The following RACGAP1 variants were observed in gnomAD, a reference collection of about 807,000 sequenced individuals.
RACGAP1 encodes rac GTPase-activating protein 1.
Under a neutral mutation model 78.1 loss-of-function variants are expected in RACGAP1, and 30 were observed. That is an observed-to-expected ratio of 0.38 (90% CI 0.29 to 0.52). The LOEUF is 0.52. Ranked by LOEUF, RACGAP1 falls within the 20% of genes least tolerant of loss-of-function variation. RACGAP1 has a pLI of 0.82. For missense variants in RACGAP1, 587 were observed against 777.1 expected, an observed-to-expected ratio of 0.76 and a Z score of 2.91; for synonymous variants, 231 against 264.8, an observed-to-expected ratio of 0.87 and a Z score of 1.24.
At chr12:49,994,578 A>G in intron 10 of RACGAP1, 69 bp from the exon 11 acceptor site, 1 of 1,550,624 alleles carries the variant, frequency 6.4e-7, no homozygotes, top group Non-Finnish European at 8.7e-7. Context: ...ACCACATGCG[A>G]AGAACCACCT....
intron 2 of RACGAP1, among the ~76,000 whole-genome samples, chr12:50,015,791 G>C (rs1261801692): frequency 6.7e-6 from 1 of 150,162 alleles, no homozygotes; most frequent in African/African-American, 2.5e-5. Flanking sequence ...GACAGTGCAA[G>C]ACTCCATCTC....
chr12:50,027,594 G>A (rs1475775691), upstream of RACGAP1, among the ~76,000 whole-genome samples: 4 of 152,168 alleles, frequency 2.6e-5, no homozygotes, highest in South Asian at 4.1e-4. Context: ...TTGGGAAGCC[G>A]AGGCGGGTGG....
At chr12:50,024,241 T>C (rs925005285) in intron 1 of RACGAP1, among the ~76,000 whole-genome samples, 1 of 151,850 alleles carries the variant, frequency 6.6e-6, no homozygotes, top group Admixed American at 6.6e-5. Context: ...GTAGCAAAGA[T>C]ACGGTATCAA....
At position 50,016,776 on chromosome 12, in the gene RACGAP1, T is replaced by C. The variant is rs1292228094; in HGVS notation, c.-4-57A>G. ...CTGCCTTCTCGCCCACAACAAAAGA[T>C]TCTATAGCAATCCAGCCATTAGTGA... On this transcript the variant is annotated intron_variant, in intron 1 of 16. Transcript: ENST00000312377. 2.9e-5 allele frequency: 45 copies of C among 1,560,628 alleles called. No individual in the cohort carries two copies. The Admixed American group carries it at 7.8e-4, about 27-fold the overall frequency.
At chr12:50,016,389 T>A (rs897367626) in intron 2 of RACGAP1, among the ~76,000 whole-genome samples, 1 of 151,700 alleles carries the variant, frequency 6.6e-6, no homozygotes, top group Non-Finnish European at 1.5e-5. Context: ...CTCAAAAAAA[T>A]AAATAAATAA....
chr12:50,013,294 G>A (rs974682314), intron 2 of RACGAP1, among the ~76,000 whole-genome samples: 3 of 152,022 alleles, frequency 2.0e-5, no homozygotes, highest in Non-Finnish European at 4.4e-5. Context: ...AATCCTCATA[G>A]CACTCCCACA....
intron 2 of RACGAP1, among the ~76,000 whole-genome samples, chr12:50,011,305 A>T (rs1348716807): frequency 2.0e-5 from 3 of 149,580 alleles, no homozygotes; most frequent in African/African-American, 7.4e-5. Flanking sequence ...CTGCACTCCA[A>T]CCTGGGCGAC....
upstream of RACGAP1, among the ~76,000 whole-genome samples, chr12:50,030,448 G>C (rs1950321731): frequency 6.6e-6 from 1 of 152,092 alleles, no homozygotes; most frequent in South Asian, 2.1e-4. Context: ...AGCACTTTGG[G>C]AGGCTGAGAA....
At chr12:50,002,337 G>T in intron 5 of RACGAP1, 37 bp from the exon 6 acceptor site, 1 of 1,573,392 alleles carries the variant, frequency 6.4e-7, no homozygotes, top group Non-Finnish European at 8.7e-7. Context: ...TCTTTTTTTG[G>T]TTAGGCCATC....
chr12:49,991,479 A>ATATATATATATATATATATATATAT (rs1555169074), intron 15 of RACGAP1, among the ~76,000 whole-genome samples: 2 of 24,094 alleles, frequency 8.3e-5, no homozygotes, highest in Non-Finnish European at 1.7e-4. Context: ...ATATATATAT[A>ATATATATATATATATATATATATAT]TTTTTTTTTT....
intron 5 of RACGAP1, among the ~76,000 whole-genome samples, chr12:50,003,619 A>G (rs553155229): frequency 2.0e-5 from 3 of 152,364 alleles, no homozygotes; most frequent in Non-Finnish European, 4.4e-5. Flanking sequence ...TCAATGAACT[A>G]TATCAAAGAC....
At chr12:50,015,057 AAAG>A (rs1438352705) in intron 2 of RACGAP1, among the ~76,000 whole-genome samples, 5 of 150,810 alleles carry the variant, frequency 3.3e-5, no homozygotes, top group Non-Finnish European at 5.9e-5. Flanking sequence ...AAAAAAAAAA[AAAG>A]AGAGAGATGG....
In RACGAP1 at chr12:50,016,630, C is replaced by T. The variant is rs954791695; in HGVS notation, c.85+1G>A. 3.1e-6 allele frequency: 5 copies of T among 1,612,998 alleles called. No individual in the cohort carries two copies. Among genetic ancestry groups the T allele is most frequent in the East Asian group, 2.2e-5 (1 of 44,886 alleles). The stretch of plus-strand genomic sequence containing the variant: ...GGACAGGCCAGCTCAGAATGACTTA[C>T]GGACTTCATTTCCTTCACTGAGAAT... On this transcript the variant is annotated splice_donor_variant, in intron 2 of 16. Transcript: ENST00000312377. LOFTEE classifies it high-confidence loss of function.
rs111917291 is a variant in RACGAP1 at position 49,995,496 on chromosome 12, A to AT, written c.1045-988dup. Among the ~76,000 whole-genome samples, 210 of 146,054 alleles carry AT rather than the reference A, an allele frequency of 1.4e-3. 1 individual carries two copies. The highest frequency in any genetic ancestry group is 2.6e-3 in the East Asian group (13 of 5,054). On this transcript the variant is annotated intron_variant, in intron 10 of 16. Coordinates refer to ENST00000312377, the MANE Select transcript of RACGAP1 (RefSeq NM_001319999.2). ...TCTTGCTAATGTTACTTACATAATA[A>AT]TTTTTTTTTTTTTTGAGATAGGGTC... is the stretch of plus-strand genomic sequence containing the variant.
At chr12:50,025,563 A>T (rs1423376046), upstream of RACGAP1, 5 of 984,272 alleles carry the variant, frequency 5.1e-6, no homozygotes, top group Non-Finnish European at 6.0e-6. Context: ...CGTACGCGTC[A>T]GGGCCACGCG....
intron 2 of RACGAP1, among the ~76,000 whole-genome samples, chr12:50,009,613 T>C (rs767304380): frequency 1.3e-5 from 2 of 152,170 alleles, no homozygotes; most frequent in Admixed American, 6.5e-5. Context: ...TAGCACACAG[T>C]AGACACTTGA....
chr12:50,022,489 G>A (rs1950060764), intron 1 of RACGAP1, among the ~76,000 whole-genome samples: 2 of 152,140 alleles, frequency 1.3e-5, no homozygotes, highest in Admixed American at 6.5e-5. Context: ...GGCTGAGGCA[G>A]GAGAATCGCT....
rs140590023 is a variant in RACGAP1, at chr12:49,990,759, T to C, written c.1748A>G (p.His583Arg). ...AGATGAAGGAGTCTTGAGAAGCTGA[T>C]GTTCAGGAGTGGTCACAGGTCCCAG... The part of the protein sequence containing the change: ...SLLGPVTTPE[H>R]QLLKTPSSSS... Residue 583 changes from histidine (H) to arginine (R), a missense_variant, in exon 16 of 17, where the codon CAT becomes CGT. Physicochemically the swap from His to Arg is conservative, Grantham distance 29. Transcript: ENST00000312377. 395 of 1,614,140 alleles carry C rather than the reference T, an allele frequency of 2.4e-4. No homozygotes were observed. The African/African-American group carries it at 5.2e-3, about 21-fold the overall frequency.
chr12:50,006,693 A>G (rs1948998707), intron 2 of RACGAP1, 57 bp from the exon 3 acceptor site: 2 of 1,507,324 alleles, frequency 1.3e-6, no homozygotes, highest in African/African-American at 2.8e-5. Flanking sequence ...TAACTGCTCT[A>G]ATAAATGAGT....
Sources: gnomAD v4.1 joint callset for allele counts (sites outside exome capture counted in the v4.1 genomes callset) on GRCh38, gnomAD v4.1.1 for gene constraint, MANE v1.5 for transcripts, NCBI Gene and HGNC (gene_info 2026-07-23, HGNC 2026-07-21) for gene names.